Variants in CUL2 observed in about 807,000 individuals in gnomAD.
CUL2 encodes cullin 2, also known as cullin-2.
A neutral mutation model predicts 110.2 loss-of-function variants in CUL2; 22 were observed. The ratio of observed to expected loss-of-function variants is 0.20; its 90% CI spans 0.14 to 0.28. The LOEUF is 0.28. Among genes scored for constraint, CUL2 ranks in the 10% least tolerant of loss-of-function variants. The pLI, the probability that CUL2 is intolerant of heterozygous loss-of-function variation, is 1.00. For missense variants in CUL2, 631 were observed against 905.5 expected (o/e 0.70, Z 3.89); for synonymous variants, 279 against 293.2 (o/e 0.95, Z 0.49).
chr10:35,111,613 C>T lies in CUL2; in HGVS notation c.-50-10553G>A, dbSNP rs183916810. The stretch of plus-strand genomic sequence containing the variant: ...AAACATATTAGACATTCAGGCCAGG[C>T]GTGGTGGCTCACGCCTGTAATACCA... On this transcript the variant is annotated intron_variant, in intron 1 of 5. Coordinates refer to the CUL2 transcript ENST00000685421. Among the ~76,000 whole-genome samples, 180 of 152,276 alleles carry T rather than the reference C, an allele frequency of 1.2e-3. 2 individuals are homozygous for T. The highest frequency in any genetic ancestry group is 6.2e-4 in the South Asian group (3 of 4,824).
At chr10:35,011,796 C>A in intron 20 of CUL2, 52 bp downstream of exon 20, 1 of 902,930 alleles carries the variant, frequency 1.1e-6, no homozygotes, top group Non-Finnish European at 1.8e-6. Context: ...TGAATCTGTA[C>A]AATGACAATG....
intron 1 of CUL2, among the ~76,000 whole-genome samples, chr10:35,081,116 C>T (rs1375514776): frequency 6.6e-6 from 1 of 152,060 alleles, no homozygotes; most frequent in Non-Finnish European, 1.5e-5. Context: ...CCCAGCTACT[C>T]AGGAGGCTAA....
chr10:35,089,746 G>C (rs1297006292), intron 1 of CUL2: 1 of 152,104 alleles, frequency 6.6e-6, no homozygotes, highest in Admixed American at 6.6e-5. Flanking sequence ...CCTCCCCAAA[G>C]CTATCAATCT....
chr10:35,036,238 A>G (rs1047779363), intron 9 of CUL2, among the ~76,000 whole-genome samples: 1 of 152,180 alleles, frequency 6.6e-6, no homozygotes, highest in East Asian at 1.9e-4. Flanking sequence ...TGTGTTCAAC[A>G]TGTGTATAAG....
At chr10:35,061,196 G>A (rs915786655) in intron 3 of CUL2, among the ~76,000 whole-genome samples, 26 of 151,942 alleles carry the variant, frequency 1.7e-4, no homozygotes, top group Non-Finnish European at 2.4e-4. Flanking sequence ...AAACTGAGCC[G>A]AGCGCAGTGG....
At chr10:35,027,435 C>T (rs937425918) in intron 16 of CUL2, among the ~76,000 whole-genome samples, 5 of 152,006 alleles carry the variant, frequency 3.3e-5, no homozygotes, top group Admixed American at 1.3e-4. Flanking sequence ...TGAGCCACCG[C>T]GCCCGGCAAC....
At chr10:35,090,567 C>CG (rs1230523666), upstream of CUL2, 3 of 152,554 alleles carry the variant, frequency 2.0e-5, no homozygotes, top group Non-Finnish European at 4.4e-5. Context: ...CCTCTGCCTC[C>CG]GGCTTTGCCC....
At chr10:35,092,077 G>A (rs1373413412), upstream of CUL2, among the ~76,000 whole-genome samples, 8 of 151,584 alleles carry the variant, frequency 5.3e-5, 2 homozygotes. Context: ...CTCAGTTTCC[G>A]AAGCAGCTGT....
intron 2 of CUL2, among the ~76,000 whole-genome samples, chr10:35,100,273 A>G (rs2087358770): frequency 1.3e-5 from 2 of 152,298 alleles, no homozygotes; most frequent in Admixed American, 1.3e-4. Context: ...AGATCAGAGT[A>G]TGCACCAAAC....
intron 1 of CUL2, among the ~76,000 whole-genome samples, chr10:35,113,359 G>T (rs866845278): frequency 6.6e-6 from 1 of 150,526 alleles, no homozygotes; most frequent in African/African-American, 2.4e-5. Flanking sequence ...CTAGCCAGGC[G>T]TAGTGGTATG....
At chr10:35,046,326 T>C (rs1412712870) in intron 6 of CUL2, among the ~76,000 whole-genome samples, 2 of 152,202 alleles carry the variant, frequency 1.3e-5, no homozygotes, top group East Asian at 3.9e-4. Flanking sequence ...CATGTTCTGC[T>C]TATGGTGGAA....
chr10:35,077,338 A>C (rs542507715), intron 1 of CUL2, among the ~76,000 whole-genome samples: 4 of 150,890 alleles, frequency 2.7e-5, no homozygotes, highest in Non-Finnish European at 3.0e-5. Flanking sequence ...AACAAAAAAA[A>C]CAAACAAAAA....
Position 35,071,396 on chromosome 10 carries a change from TG to T in CUL2, c.-22-58del. ...AATAATTCCATGAGCTTAGTTTTTT[TG>T]TTGTTGTTTTTTGTTTGTTTGCTTT... On this transcript the variant is annotated intron_variant, in intron 1 of 20. Transcript: ENST00000374749. The T allele has an allele frequency of 4.0e-6, 6 of 1,488,370 alleles. No homozygotes were observed. In the South Asian group the frequency reaches 5.8e-5, roughly 14 times the overall value. The allele number at this position is 1,488,370 out of a possible 1,614,324, so 92.2% of individuals were successfully genotyped here.
intron 15 of CUL2, 132 bp from the exon 16 acceptor site, chr10:35,029,019 T>A: frequency 1.7e-6 from 1 of 599,598 alleles, no homozygotes. Context: ...TCTGAGTATT[T>A]CTATCATGGC....
rs760333719 is a variant in CUL2, at chr10:35,029,545, G to C, written c.1482C>G (p.Ile494Met). The C allele has an allele frequency of 5.7e-6, 9 of 1,586,486 alleles. No individual in the cohort carries two copies. The change falls in exon 15 of 21, where the codon ATC becomes ATG. Residue 494 changes from isoleucine to methionine, a missense_variant. By Grantham distance (10) the Ile-to-Met change is conservative. Transcript: ENST00000374749. ...ADLNNKFNNF[I>M]KNQDTVIDLG... Reference sequence around the variant, plus strand: ...AATCTATTACTGTGTCTTGGTTTTTGATAAAATTGTTGAACTTATTGTTGA... The same window carrying C: ...AATCTATTACTGTGTCTTGGTTTTTCATAAAATTGTTGAACTTATTGTTGA...
rs181705981 is a variant in CUL2, at chr10:35,113,455, G to A, written c.-50-12395C>T. Among the ~76,000 whole-genome samples, 897 of 115,668 alleles carry A rather than the reference G, an allele frequency of 7.8e-3. 7 individuals carry two copies. Among genetic ancestry groups the A allele is most frequent in the Middle Eastern group, 0.053 (6 of 114 alleles). The allele number at this position is 115,668 out of a possible 152,430, so 75.9% of individuals were successfully genotyped here. A position where few individuals can be genotyped will look rare whatever the true frequency, so the allele number is the denominator to read the frequency against. ...GGAGGTTGCAGTGAGCCGATATCAC[G>A]CTACTGCACTCCAGCCTGGGTGACA... is the stretch of plus-strand genomic sequence containing the variant. On this transcript the variant is annotated intron_variant, in intron 1 of 5. Coordinates refer to the CUL2 transcript ENST00000685421.
At chr10:35,027,289 T>A (rs2085360476) in intron 16 of CUL2, among the ~76,000 whole-genome samples, 1 of 151,800 alleles carries the variant, frequency 6.6e-6, no homozygotes, top group South Asian at 2.1e-4. Flanking sequence ...GGACTACAGG[T>A]GCATGCCACC....
At chr10:35,069,321 T>C (rs1014553785) in intron 2 of CUL2, among the ~76,000 whole-genome samples, 2 of 151,950 alleles carry the variant, frequency 1.3e-5, no homozygotes, top group African/African-American at 2.4e-5. Context: ...GGAGAAGTGA[T>C]TGAGCCCAGG....
intron 1 of CUL2, among the ~76,000 whole-genome samples, chr10:35,072,034 A>G (rs752243870): frequency 3.9e-5 from 6 of 152,170 alleles, no homozygotes; most frequent in Admixed American, 1.3e-4. Context: ...TTTGGCCCCA[A>G]ATCCTTGTGG....
Sources: gnomAD v4.1 joint callset for allele counts (sites outside exome capture counted in the v4.1 genomes callset) on GRCh38, gnomAD v4.1.1 for gene constraint, MANE v1.5 for transcripts, NCBI Gene and HGNC (gene_info 2026-07-23, HGNC 2026-07-21) for gene names.